The following CDC45 variants were observed in gnomAD, a reference collection of about 807,000 sequenced individuals.
CDC45 encodes the protein cell division control protein 45 homolog.
CDC45 carries 54 observed loss-of-function variants against 77.8 expected under a neutral mutation model. The ratio of observed to expected loss-of-function variants is 0.69; its 90% CI spans 0.56 to 0.87. The LOEUF (loss-of-function observed/expected upper bound fraction) is 0.87. Among genes scored for constraint, CDC45 ranks in the 40% least tolerant of loss-of-function variants. The pLI is 0.00. For missense variants in CDC45, 649 were observed against 721.6 expected, an observed-to-expected ratio of 0.90 and a Z score of 1.15; for synonymous variants, 260 against 272.1, an observed-to-expected ratio of 0.96 and a Z score of 0.44.
At chr22:19,498,882 A>G (rs943753276) in intron 8 of CDC45, among the ~76,000 whole-genome samples, 3 of 152,192 alleles carry the variant, frequency 2.0e-5, no homozygotes, top group African/African-American at 7.2e-5. Flanking sequence ...AAGCTCCCAC[A>G]GTGGCAGACA....
rs576442347 is a variant in CDC45 at position 19,510,365 on chromosome 22, C to T, written c.1217+1674C>T. ...GTTGCCCCAGAGAGATCCTCCCAGCCTCTGGCAACCACCAGTCTCCCTTTT... is the reference window on the plus strand; with the variant it reads ...GTTGCCCCAGAGAGATCCTCCCAGCTTCTGGCAACCACCAGTCTCCCTTTT... On this transcript the variant is annotated intron_variant, in intron 13 of 18. Transcript: ENST00000263201. Among the ~76,000 whole-genome samples, 9 of 152,296 alleles carry T rather than the reference C, an allele frequency of 5.9e-5. No individual in the cohort carries two copies. The South Asian group carries it at 8.3e-4, about 14-fold the overall frequency.
At chr22:19,496,431 GT>G (rs1292951416) in intron 7 of CDC45, among the ~76,000 whole-genome samples, 2 of 152,222 alleles carry the variant, frequency 1.3e-5, no homozygotes, top group African/African-American at 4.8e-5. Flanking sequence ...AACCTACTAT[GT>G]CAATAGTGTT....
intron 10 of CDC45, 58 bp from the exon 11 acceptor site, chr22:19,507,328 T>G: frequency 6.3e-7 from 1 of 1,591,988 alleles, no homozygotes. Flanking sequence ...CTGCTGGAGT[T>G]ACGAGAGTGC....
At chr22:19,516,753 G>A (rs1933817320) in intron 16 of CDC45, 64 bp from the exon 17 acceptor site, 1 of 792,984 alleles carries the variant, frequency 1.3e-6, no homozygotes, top group African/African-American at 1.9e-5. Flanking sequence ...TCTGTCCTGG[G>A]GCGGGGGGTG....
In CDC45 at chr22:19,516,800, G is replaced by C; in HGVS notation, c.1560-17G>C. ...TTGCAGGCCGCCTGGCCCCCGACAT[G>C]TCTTGTGTGTCAGCAGCTTTTTTGG... is the stretch of plus-strand genomic sequence containing the variant. On this transcript the variant is annotated splice_polypyrimidine_tract_variant and intron_variant, in intron 16 of 18. Coordinates refer to ENST00000263201, the MANE Select transcript of CDC45 (RefSeq NM_003504.5). The C allele has an allele frequency of 6.2e-7, 1 of 1,613,454 alleles. No homozygotes were observed. Among genetic ancestry groups the C allele is most frequent in the Middle Eastern group, 1.7e-4 (1 of 6,058 alleles).
intron 12 of CDC45, among the ~76,000 whole-genome samples, 159 bp downstream of exon 12, chr22:19,508,023 TATCTG>T (rs998524913): frequency 6.6e-6 from 1 of 152,194 alleles, no homozygotes; most frequent in Admixed American, 6.5e-5. Flanking sequence ...AAATGAGTGT[TATCTG>T]AGTCTGGCCA....
chr22:19,484,877 T>A (rs527954178), intron 5 of CDC45, among the ~76,000 whole-genome samples: 2 of 152,296 alleles, frequency 1.3e-5, no homozygotes, highest in East Asian at 3.9e-4. Flanking sequence ...CCCACTGTTA[T>A]ATTTTCTTAC....
At chr22:19,479,838 G>T, upstream of CDC45, 5 of 904,708 alleles carry the variant, frequency 5.5e-6, no homozygotes, top group African/African-American at 1.6e-5. Context: ...AGAAAGGAAG[G>T]CTGGGAACTA....
intron 9 of CDC45, 27 bp from the exon 10 acceptor site, chr22:19,505,335 C>A (rs13447251): frequency 6.2e-7 from 1 of 1,613,946 alleles, no homozygotes; most frequent in Non-Finnish European, 8.5e-7. Flanking sequence ...GGGAACCAGC[C>A]GAGGCTTGTG....
intron 13 of CDC45, among the ~76,000 whole-genome samples, chr22:19,512,234 G>T (rs1167830027): frequency 6.6e-6 from 1 of 152,146 alleles, no homozygotes; most frequent in African/African-American, 2.4e-5. Flanking sequence ...ACTCCAGGGA[G>T]GCTCCTTAAA....
chr22:19,484,380 G>T (rs1353355487), intron 5 of CDC45, among the ~76,000 whole-genome samples: 1 of 152,202 alleles, frequency 6.6e-6, no homozygotes, highest in Admixed American at 6.5e-5. Flanking sequence ...GAGCAATGTG[G>T]GTCTGCATCC....
At chr22:19,502,417 G>A (rs551230298) in intron 9 of CDC45, among the ~76,000 whole-genome samples, 2 of 152,280 alleles carry the variant, frequency 1.3e-5, no homozygotes, top group Non-Finnish European at 2.9e-5. Flanking sequence ...TTGTTTATGA[G>A]CACTCATTTA....
At chr22:19,492,456 C>T (rs916120877) in intron 5 of CDC45, among the ~76,000 whole-genome samples, 3 of 151,860 alleles carry the variant, frequency 2.0e-5, no homozygotes, top group African/African-American at 7.3e-5. Context: ...GAACACTTGT[C>T]TCTTCTTTAG....
chr22:19,487,341 G>A (rs1201560050), intron 5 of CDC45, among the ~76,000 whole-genome samples: 2 of 139,988 alleles, frequency 1.4e-5, no homozygotes, highest in Non-Finnish European at 3.1e-5. Context: ...GGACAACATA[G>A]CAAGACACTG....
At position 19,515,011 on chromosome 22, in the gene CDC45, T is replaced by C; in HGVS notation, c.1403T>C (p.Leu468Pro). The part of the protein sequence containing the change: ...MLFSRPASLS[L>P]LSKHLLKSFV... ...TTCTCTAGGCCGGCATCCCTAAGCC[T>C]GCTCAGCAAACACCTGCTCAAGTCC... Residue 468 changes from leucine to proline, a missense_variant, in exon 15 of 19, where the codon CTG (leucine) becomes CCG (proline). Physicochemically the swap from Leu to Pro is moderately conservative, Grantham distance 98 (BLOSUM62 -3). Transcript: ENST00000263201. The C allele has an allele frequency of 6.2e-7, 1 of 1,613,502 alleles. No homozygotes were observed. Among genetic ancestry groups the C allele is most frequent in the Non-Finnish European group, 8.5e-7 (1 of 1,179,568 alleles).
chr22:19,495,359 A>C (rs551190357), intron 6 of CDC45, among the ~76,000 whole-genome samples: 1 of 152,344 alleles, frequency 6.6e-6, no homozygotes, highest in Admixed American at 6.5e-5. Context: ...GGCTTCAGTG[A>C]ATTACTTTGT....
chr22:19,515,898 G>A (rs1293145355), intron 15 of CDC45, among the ~76,000 whole-genome samples: 2 of 152,158 alleles, frequency 1.3e-5, no homozygotes, highest in African/African-American at 2.4e-5. Flanking sequence ...CCACCTGCCC[G>A]GCCCTGTTGT....
At chr22:19,492,758 G>A (rs1219662793) in intron 5 of CDC45, among the ~76,000 whole-genome samples, 1 of 152,158 alleles carries the variant, frequency 6.6e-6, no homozygotes, top group African/African-American at 2.4e-5. Flanking sequence ...CTCTGACACG[G>A]CTCAAGCAAG....
intron 5 of CDC45, among the ~76,000 whole-genome samples, chr22:19,488,027 A>T (rs573627787): frequency 9.3e-4 from 142 of 152,230 alleles, no homozygotes; most frequent in Admixed American, 2.6e-3. Context: ...CCCAGCAAAG[A>T]TGAGAGTCCG....
Sources: gnomAD v4.1 joint callset for allele counts (sites outside exome capture counted in the v4.1 genomes callset) on GRCh38, gnomAD v4.1.1 for gene constraint, MANE v1.5 for transcripts, NCBI Gene and HGNC (gene_info 2026-07-23, HGNC 2026-07-21) for gene names.